DLG2: variants seen among roughly 807,000 people sequenced by gnomAD.
DLG2 encodes the protein disks large homolog 2.
In DLG2, 45 loss-of-function variants were observed where a neutral mutation model predicts 132.5. The observed-to-expected ratio is 0.34, with a 90% CI of 0.27 to 0.44. The LOEUF (loss-of-function observed/expected upper bound fraction) is 0.44. Among genes scored for constraint, DLG2 ranks in the 20% least tolerant of loss-of-function variants. DLG2 has a pLI of 1.00. For missense variants in DLG2, 1,045 were observed against 1,196.9 expected (o/e 0.87, Z 1.87); for synonymous variants, 424 against 419.6 (o/e 1.01, Z -0.13).
chr11:83,884,700 T>G (rs1040988362), intron 15 of DLG2, among the ~76,000 whole-genome samples: 1 of 152,072 alleles, frequency 6.6e-6, no homozygotes. Context: ...CACCCCCCAG[T>G]AGGGGCAGAC....
chr11:84,366,508 CACAGA>C (rs1254618957), intron 7 of DLG2, among the ~76,000 whole-genome samples: 3 of 152,008 alleles, frequency 2.0e-5, no homozygotes, highest in African/African-American at 7.2e-5. Context: ...AATTAAAAGA[CACAGA>C]CTGGCAAATT....
intron 16 of DLG2, among the ~76,000 whole-genome samples, chr11:83,856,575 C>T (rs1261862303): frequency 6.6e-6 from 1 of 152,170 alleles, no homozygotes; most frequent in Non-Finnish European, 1.5e-5. Flanking sequence ...TTGCATTTCT[C>T]TAATGATCAG....
chr11:83,689,986 T>TA (rs2080646483), intron 18 of DLG2, among the ~76,000 whole-genome samples: 1 of 133,706 alleles, frequency 7.5e-6, no homozygotes, highest in African/African-American at 2.9e-5. Flanking sequence ...TATAATATAT[T>TA]TATTATAATA....
chr11:83,936,982 A>C (rs528192660), intron 14 of DLG2, among the ~76,000 whole-genome samples: 2 of 152,300 alleles, frequency 1.3e-5, no homozygotes, highest in East Asian at 3.9e-4. Context: ...GATTTGAATT[A>C]TTTGAGGAAG....
intron 6 of DLG2, among the ~76,000 whole-genome samples, chr11:84,699,317 A>G (rs2058955706): frequency 6.6e-6 from 1 of 151,596 alleles, no homozygotes; most frequent in Admixed American, 6.6e-5. Context: ...GCTAGGGTAA[A>G]GAGTAGAAAT....
intron 18 of DLG2, among the ~76,000 whole-genome samples, chr11:83,654,969 T>C (rs2071889348): frequency 6.6e-6 from 1 of 152,214 alleles, no homozygotes; most frequent in Non-Finnish European, 1.5e-5. Context: ...CTGTACATTC[T>C]GTATCAGGGT....
chr11:84,051,106 T>C (rs967011266), intron 11 of DLG2, among the ~76,000 whole-genome samples: 5 of 152,010 alleles, frequency 3.3e-5, no homozygotes, highest in African/African-American at 4.8e-5. Context: ...ATGGCGATCA[T>C]TAAAAAGACA....
chr11:85,414,942 T>C (rs533931040), intron 3 of DLG2, among the ~76,000 whole-genome samples: 2 of 152,228 alleles, frequency 1.3e-5, no homozygotes, highest in African/African-American at 4.8e-5. Context: ...ACACATGCCA[T>C]GGGGGTTTGC....
At chr11:84,087,803 T>C (rs1400726371) in intron 10 of DLG2, among the ~76,000 whole-genome samples, 2 of 152,210 alleles carry the variant, frequency 1.3e-5, no homozygotes, top group Non-Finnish European at 2.9e-5. Flanking sequence ...CCATATAGTC[T>C]CTGGGGTTCC....
chr11:84,384,093 C>A lies in DLG2; in HGVS notation c.520-132802G>T, dbSNP rs577919488. ...ATCTAGTATAGGAAGCTCTCGATGA[C>A]GCTTTTTTTTTTTTTGCAATGAGAA... On this transcript the variant is annotated intron_variant, in intron 7 of 27. Coordinates refer to ENST00000376104, the MANE Select transcript of DLG2 (RefSeq NM_001142699.3). Among the ~76,000 whole-genome samples the A allele has an allele frequency of 7.3e-4, 98 of 135,050 alleles. 1 individual carries two copies. The highest frequency in any genetic ancestry group is 2.7e-3 in the African/African-American group (92 of 33,692). The allele number at this position is 135,050 out of a possible 152,430, so 88.6% of individuals were successfully genotyped here.
chr11:85,285,955 A>G (rs2078525296), intron 3 of DLG2: 1 of 337,432 alleles, frequency 3.0e-6, no homozygotes, highest in South Asian at 2.4e-5. Flanking sequence ...GTAAACCTTA[A>G]CGTAGGCAAA....
rs1567072278 is a variant in DLG2, at chr11:84,252,128, TTTTC to T, written c.520-841_520-838del. Among the ~76,000 whole-genome samples, 17 of 149,542 alleles carry T rather than the reference TTTTC, an allele frequency of 1.1e-4. No individual in the cohort carries two copies. The South Asian group carries it at 1.5e-3, about 13-fold the overall frequency. On this transcript the variant is annotated intron_variant, in intron 7 of 27. Coordinates refer to ENST00000376104, the MANE Select transcript of DLG2 (RefSeq NM_001142699.3). ...CACATTATGCGTGCTGTATCCTGTA[TTTTC>T]TTTCTTTCTTTTTTTTTTTTTTTTT...
At chr11:83,651,689 T>C (rs921257951) in intron 18 of DLG2, 11 of 322,598 alleles carry the variant, frequency 3.4e-5, no homozygotes, top group Non-Finnish European at 6.5e-5. Context: ...TTATTCTAGT[T>C]AAATTACTAA....
Position 84,525,067 on chromosome 11 carries a change from C to T in DLG2, c.519+9503G>A, listed in dbSNP as rs530664003. Among the ~76,000 whole-genome samples, 9 of 152,110 alleles carry T rather than the reference C, an allele frequency of 5.9e-5. No individual in the cohort carries two copies. In the East Asian group the frequency reaches 1.4e-3, roughly 23 times the overall value. The stretch of plus-strand genomic sequence containing the variant: ...ATTTCTCACTGCTTCATGTTATCCT[C>T]GGTAGGTACCTCTCTCTCCCCAAAG... On this transcript the variant is annotated intron_variant, in intron 7 of 27. Coordinates refer to ENST00000376104, the MANE Select transcript of DLG2 (RefSeq NM_001142699.3).
chr11:83,917,420 C>T (rs4545584), intron 15 of DLG2, among the ~76,000 whole-genome samples: 11,392 of 152,160 alleles, frequency 0.075, 598 homozygotes, highest in Non-Finnish European at 0.11. Context: ...TATGGTGAAA[C>T]TTCTCCAGAG....
At chr11:84,698,577 A>G (rs558719361) in intron 6 of DLG2, among the ~76,000 whole-genome samples, 8 of 151,634 alleles carry the variant, frequency 5.3e-5, no homozygotes, top group Non-Finnish European at 1.2e-4. Flanking sequence ...AGTCTACTTC[A>G]TCATATGTAA....
At chr11:84,504,345 C>T (rs1028204910) in intron 7 of DLG2, among the ~76,000 whole-genome samples, 3 of 152,086 alleles carry the variant, frequency 2.0e-5, no homozygotes, top group African/African-American at 7.2e-5. Flanking sequence ...ATTAATAATG[C>T]CAAATCCTAC....
chr11:85,537,557 T>C (rs1468111964), intron 3 of DLG2, among the ~76,000 whole-genome samples: 1 of 148,754 alleles, frequency 6.7e-6, no homozygotes, highest in African/African-American at 2.6e-5. Context: ...ATGGGAGGAA[T>C]GAACAACTCC....
intron 6 of DLG2, among the ~76,000 whole-genome samples, chr11:84,717,353 A>T (rs2061347051): frequency 6.6e-6 from 1 of 152,046 alleles, no homozygotes; most frequent in Non-Finnish European, 1.5e-5. Flanking sequence ...TTAATTACTA[A>T]AAGATTCAAT....
Sources: gnomAD v4.1 joint callset for allele counts (sites outside exome capture counted in the v4.1 genomes callset) on GRCh38, gnomAD v4.1.1 for gene constraint, MANE v1.5 for transcripts, NCBI Gene and HGNC (gene_info 2026-07-23, HGNC 2026-07-21) for gene names.